Variants in ARFGEF1 observed in about 807,000 individuals in gnomAD.
The protein encoded by ARFGEF1 is brefeldin A-inhibited guanine nucleotide-exchange protein 1.
In ARFGEF1, 42 loss-of-function variants were observed where a neutral mutation model predicts 231.0. The ratio of observed to expected loss-of-function variants is 0.18; its 90% CI spans 0.14 to 0.24. ARFGEF1 has a LOEUF of 0.24. Ranked by LOEUF, ARFGEF1 falls within the 10% of genes least tolerant of loss-of-function variation. The pLI, the probability that ARFGEF1 is intolerant of heterozygous loss-of-function variation, is 1.00. For synonymous variants in ARFGEF1, 710 were observed against 732.3 expected, an observed-to-expected ratio of 0.97 and a Z score of 0.49; for missense variants, 1,345 against 2,192.0, an observed-to-expected ratio of 0.61 and a Z score of 7.72.
chr8:67,284,757 G>A (rs570203781), intron 7 of ARFGEF1, among the ~76,000 whole-genome samples: 1 of 152,292 alleles, frequency 6.6e-6, no homozygotes, highest in South Asian at 2.1e-4. Flanking sequence ...TCCACTGGAA[G>A]GGCCTGCAAG....
intron 26 of ARFGEF1, 57 bp from the exon 27 acceptor site, chr8:67,227,366 T>G (rs1563850032): frequency 3.1e-6 from 5 of 1,597,352 alleles, no homozygotes; most frequent in Non-Finnish European, 4.3e-6. Context: ...CATCAGTTTT[T>G]CCCCCTTTCT....
chr8:67,290,472 T>A (rs1198949707), intron 6 of ARFGEF1, among the ~76,000 whole-genome samples: 1 of 152,230 alleles, frequency 6.6e-6, no homozygotes, highest in Non-Finnish European at 1.5e-5. Flanking sequence ...CAGAATTACT[T>A]TGTGCATGGC....
chr8:67,288,406 T>C (rs1159925278), intron 6 of ARFGEF1, among the ~76,000 whole-genome samples: 1 of 149,890 alleles, frequency 6.7e-6, no homozygotes, highest in Non-Finnish European at 1.5e-5. Context: ...TTATACTTAG[T>C]ACACACATTA....
chr8:67,273,419 CA>C (rs58580002), intron 9 of ARFGEF1, among the ~76,000 whole-genome samples: 3,711 of 56,612 alleles, frequency 0.066, 21 homozygotes, highest in African/African-American at 0.074. Flanking sequence ...TTTTTTTTCC[CA>C]AAAAAAAAAA....
At chr8:67,308,708 G>A (rs941803037) in intron 1 of ARFGEF1, among the ~76,000 whole-genome samples, 4 of 152,122 alleles carry the variant, frequency 2.6e-5, no homozygotes, top group Non-Finnish European at 5.9e-5. Context: ...AAAGCACTGA[G>A]ATTATTTGCT....
intron 35 of ARFGEF1, 143 bp downstream of exon 35, chr8:67,204,537 T>G: frequency 1.0e-6 from 1 of 987,344 alleles, no homozygotes; most frequent in Non-Finnish European, 1.4e-6. Context: ...TACCTTGTGA[T>G]GGGATCCAGT....
intron 5 of ARFGEF1, among the ~76,000 whole-genome samples, chr8:67,182,415 T>G (rs1257673226): frequency 6.6e-6 from 1 of 152,218 alleles, no homozygotes; most frequent in Non-Finnish European, 1.5e-5. Context: ...TGCTTCCACC[T>G]TTTGGCTGTT....
intron 7 of ARFGEF1, among the ~76,000 whole-genome samples, chr8:67,286,457 A>T (rs1805762158): frequency 6.6e-6 from 1 of 152,218 alleles, no homozygotes; most frequent in Non-Finnish European, 1.5e-5. Context: ...TAGGCTTTAG[A>T]GGTCGTACAA....
At chr8:67,202,565 T>G (rs895234243) in intron 36 of ARFGEF1, among the ~76,000 whole-genome samples, 2 of 152,232 alleles carry the variant, frequency 1.3e-5, no homozygotes, top group Non-Finnish European at 2.9e-5. Context: ...GGCTCTATTT[T>G]TTAAATTAAA....
chr8:67,205,297 G>C (rs1838473574), intron 34 of ARFGEF1, among the ~76,000 whole-genome samples: 1 of 152,208 alleles, frequency 6.6e-6, no homozygotes, highest in African/African-American at 2.4e-5. Context: ...GCTGCCCTGA[G>C]AATCTGGGAT....
At chr8:67,201,673 A>G (rs1838333077) in intron 36 of ARFGEF1, 68 bp from the exon 37 acceptor site, 1 of 1,589,046 alleles carries the variant, frequency 6.3e-7, no homozygotes, top group Non-Finnish European at 8.6e-7. Context: ...AACAGCCCGT[A>G]TGGAGGCACA....
intron 5 of ARFGEF1, among the ~76,000 whole-genome samples, chr8:67,190,470 GTGA>G (rs1419050407): frequency 6.6e-6 from 1 of 152,152 alleles, no homozygotes; most frequent in African/African-American, 2.4e-5. Context: ...CTACTTTAAA[GTGA>G]TGATTGTACA....
intron 5 of ARFGEF1, among the ~76,000 whole-genome samples, chr8:67,180,645 C>T (rs552575589): frequency 3.3e-5 from 5 of 152,064 alleles, no homozygotes; most frequent in Non-Finnish European, 5.9e-5. Flanking sequence ...GTATCAGTAT[C>T]GATATCCTGG....
At chr8:67,235,861 A>G (rs1261547364) in intron 22 of ARFGEF1, among the ~76,000 whole-genome samples, 1 of 152,140 alleles carries the variant, frequency 6.6e-6, no homozygotes, top group Non-Finnish European at 1.5e-5. Context: ...TCTACTATGT[A>G]TTCTTAATAA....
chr8:67,202,284 G>C (rs573766823), intron 36 of ARFGEF1, among the ~76,000 whole-genome samples: 2 of 151,578 alleles, frequency 1.3e-5, no homozygotes, highest in Admixed American at 1.3e-4. Context: ...TTAAGAGATG[G>C]GGTCTCACTG....
intron 6 of ARFGEF1, 103 bp downstream of exon 6, chr8:67,291,744 A>G: frequency 4.2e-6 from 6 of 1,433,148 alleles, no homozygotes; most frequent in Non-Finnish European, 4.7e-6. Context: ...TGTCTGACAC[A>G]CTTATTAAAT....
chr8:67,268,286 A>C (rs577956750), intron 10 of ARFGEF1, among the ~76,000 whole-genome samples: 2 of 152,282 alleles, frequency 1.3e-5, no homozygotes, highest in East Asian at 3.9e-4. Flanking sequence ...ATAGACTGTA[A>C]GCTTGAAGAC....
At chr8:67,252,913 T>C (rs944506601) in intron 18 of ARFGEF1, among the ~76,000 whole-genome samples, 1 of 152,174 alleles carries the variant, frequency 6.6e-6, no homozygotes, top group African/African-American at 2.4e-5. Flanking sequence ...AATGGAAATA[T>C]ATTGCTTGAA....
chr8:67,208,943 A>C (rs1409043381), intron 34 of ARFGEF1, among the ~76,000 whole-genome samples: 5 of 152,188 alleles, frequency 3.3e-5, no homozygotes, highest in African/African-American at 4.8e-5. Flanking sequence ...ACAACAACAA[A>C]AAAGGCGCTG....
Sources: allele counts gnomAD v4.1 joint callset (sites outside exome capture counted in the v4.1 genomes callset), GRCh38; gene constraint gnomAD v4.1.1; transcripts MANE v1.5; gene names NCBI Gene and HGNC (gene_info 2026-07-23, HGNC 2026-07-21).